The following SNTG1 variants were observed in gnomAD, a reference collection of about 807,000 sequenced individuals.
The protein encoded by SNTG1 is gamma-1-syntrophin.
In SNTG1, 39 loss-of-function variants were observed where a neutral mutation model predicts 74.7. That is an observed-to-expected ratio of 0.52 (90% confidence interval 0.40 to 0.68). SNTG1 has a LOEUF of 0.68. SNTG1 is among the 30% of genes least tolerant of loss of function. SNTG1 has a pLI of 0.00. For synonymous variants in SNTG1, 254 were observed against 217.1 expected (o/e 1.17, Z -1.49); for missense variants, 685 against 609.5 (o/e 1.12, Z -1.30).
intron 5 of SNTG1, among the ~76,000 whole-genome samples, chr8:50,446,788 A>G (rs551717344): frequency 2.0e-5 from 3 of 152,342 alleles, no homozygotes; most frequent in Non-Finnish European, 4.4e-5. Context: ...TAAGTGTTAC[A>G]TTTTGCATTT....
chr8:50,061,117 T>C (rs1410987833), intron 1 of SNTG1, among the ~76,000 whole-genome samples: 1 of 152,168 alleles, frequency 6.6e-6, no homozygotes, highest in Non-Finnish European at 1.5e-5. Flanking sequence ...TGTGTAAAAT[T>C]ATTGTTAAAA....
intron 1 of SNTG1, among the ~76,000 whole-genome samples, chr8:50,044,491 C>T (rs1563515658): frequency 1.3e-5 from 2 of 152,136 alleles, no homozygotes; most frequent in Non-Finnish European, 2.9e-5. Context: ...TTAAAAATGG[C>T]TTTTCATTTG....
chr8:50,490,481 A>G (rs2093841550), intron 8 of SNTG1, among the ~76,000 whole-genome samples: 1 of 151,810 alleles, frequency 6.6e-6, no homozygotes, highest in African/African-American at 2.4e-5. Context: ...GAGGTCCTTC[A>G]CCTCCCTTGT....
At chr8:50,635,244 A>G (rs1417507671) in intron 13 of SNTG1, among the ~76,000 whole-genome samples, 1 of 152,128 alleles carries the variant, frequency 6.6e-6, no homozygotes, top group Admixed American at 6.5e-5. Flanking sequence ...ATGGATCTGT[A>G]AAACTAAAGT....
intron 13 of SNTG1, among the ~76,000 whole-genome samples, chr8:50,630,206 A>G (rs1472749009): frequency 6.6e-6 from 1 of 152,064 alleles, no homozygotes; most frequent in Non-Finnish European, 1.5e-5. Flanking sequence ...CTATATCTGT[A>G]TTTTTCTATT....
chr8:50,316,854 T>A (rs1419727376), intron 2 of SNTG1, among the ~76,000 whole-genome samples: 2 of 152,114 alleles, frequency 1.3e-5, no homozygotes, highest in African/African-American at 4.8e-5. Flanking sequence ...ACGCCAAAAT[T>A]CCAGTAATAG....
chr8:50,103,544 C>T (rs896125042), intron 1 of SNTG1, among the ~76,000 whole-genome samples: 3 of 152,124 alleles, frequency 2.0e-5, no homozygotes, highest in African/African-American at 7.2e-5. Flanking sequence ...TAATCGAATA[C>T]CCTTTATTTC....
At chr8:50,035,423 T>A (rs952936614) in intron 1 of SNTG1, among the ~76,000 whole-genome samples, 1 of 152,194 alleles carries the variant, frequency 6.6e-6, no homozygotes, top group African/African-American at 2.4e-5. Context: ...TCCCTGTGTT[T>A]CAGGAAGTAA....
At chr8:50,404,371 C>T (rs2092843506) in intron 4 of SNTG1, among the ~76,000 whole-genome samples, 1 of 152,060 alleles carries the variant, frequency 6.6e-6, no homozygotes, top group South Asian at 2.1e-4. Context: ...CCAAACCAGT[C>T]AAAACCCCAA....
chr8:50,169,961 A>G (rs1290098324), intron 1 of SNTG1, among the ~76,000 whole-genome samples: 3 of 152,294 alleles, frequency 2.0e-5, no homozygotes, highest in African/African-American at 7.2e-5. Flanking sequence ...AAATAATAAT[A>G]ATGAAGTAAA....
chr8:50,373,645 T>C (rs891040225), intron 2 of SNTG1, among the ~76,000 whole-genome samples: 1 of 152,248 alleles, frequency 6.6e-6, no homozygotes, highest in Non-Finnish European at 1.5e-5. Context: ...GTGCAGAGTT[T>C]AATCTCACAT....
intron 13 of SNTG1, among the ~76,000 whole-genome samples, chr8:50,616,142 A>T (rs1318896355): frequency 6.6e-6 from 1 of 152,232 alleles, no homozygotes. Context: ...AATGTTAATC[A>T]CATATACAAA....
At chr8:50,759,668 T>C (rs2095592181) in intron 18 of SNTG1, among the ~76,000 whole-genome samples, 1 of 151,910 alleles carries the variant, frequency 6.6e-6, no homozygotes, top group African/African-American at 2.4e-5. Flanking sequence ...TTGATATATA[T>C]ATATATTGGT....
chr8:50,150,505 T>A (rs1324495224), intron 1 of SNTG1, among the ~76,000 whole-genome samples: 3 of 152,140 alleles, frequency 2.0e-5, no homozygotes, highest in Admixed American at 6.6e-5. Context: ...GTTTTTGCCC[T>A]TTCAGTATGA....
chr8:50,350,153 G>A (rs574242662), intron 2 of SNTG1, among the ~76,000 whole-genome samples: 39 of 152,282 alleles, frequency 2.6e-4, no homozygotes, highest in South Asian at 1.7e-3. Flanking sequence ...TGCCTCCTCA[G>A]GGTCAGGGCT....
intron 5 of SNTG1, among the ~76,000 whole-genome samples, chr8:50,442,707 A>T (rs2131587939): frequency 7.5e-6 from 1 of 133,274 alleles, no homozygotes; most frequent in East Asian, 2.2e-4. Flanking sequence ...AAAAAAAAAA[A>T]TCAAGCTCTT....
chr8:50,560,099 C>CA (rs2094478570), intron 12 of SNTG1, among the ~76,000 whole-genome samples: 1 of 151,768 alleles, frequency 6.6e-6, no homozygotes, highest in African/African-American at 2.4e-5. Flanking sequence ...CTCATGCAGC[C>CA]AAAAAACATA....
At chr8:50,510,385 TC>T (rs1198460849) in intron 9 of SNTG1, among the ~76,000 whole-genome samples, 2 of 152,188 alleles carry the variant, frequency 1.3e-5, no homozygotes, top group African/African-American at 2.4e-5. Context: ...TCTTTTTTTG[TC>T]GTGTCTCTGC....
At position 50,341,870 on chromosome 8, in the gene SNTG1, T is replaced by A. The variant is rs28574640; in HGVS notation, c.-27-52342T>A. 5.0e-3 allele frequency among the ~76,000 whole-genome samples: 757 copies of A among 152,106 alleles called. 4 individuals are homozygous for A. The highest frequency in any genetic ancestry group is 0.017 in the African/African-American group (718 of 41,518). ...AATAACAAGCTAAATGCAGATAAAGTTAACTTTTTATTCATTTTGAACTAT... is the reference window on the plus strand; with the variant it reads ...AATAACAAGCTAAATGCAGATAAAGATAACTTTTTATTCATTTTGAACTAT... On this transcript the variant is annotated intron_variant, in intron 2 of 18. Coordinates refer to ENST00000642720, the MANE Select transcript of SNTG1 (RefSeq NM_018967.5).
Sources: gnomAD v4.1 joint callset for allele counts (sites outside exome capture counted in the v4.1 genomes callset) on GRCh38, gnomAD v4.1.1 for gene constraint, MANE v1.5 for transcripts, NCBI Gene and HGNC (gene_info 2026-07-23, HGNC 2026-07-21) for gene names.